Variants in DYNC2I1 observed in about 807,000 individuals in gnomAD.
DYNC2I1 encodes dynein 2 intermediate chain 1.
Under a neutral mutation model 133.4 loss-of-function variants are expected in DYNC2I1, and 89 were observed. The ratio of observed to expected loss-of-function variants is 0.67; its 90% CI spans 0.56 to 0.80. DYNC2I1 has a LOEUF of 0.80. DYNC2I1 is among the 30% of genes least tolerant of loss of function. DYNC2I1 has a pLI of 0.00. For missense variants in DYNC2I1, 1,291 were observed against 1,314.5 expected (o/e 0.98, Z 0.28); for synonymous variants, 504 against 484.3 (o/e 1.04, Z -0.54).
At chr7:158,937,746 AAAAAAAATT>A (rs931177994) in intron 23 of DYNC2I1, among the ~76,000 whole-genome samples, 1 of 151,944 alleles carries the variant, frequency 6.6e-6, no homozygotes, top group African/African-American at 2.4e-5. Flanking sequence ...CTATCTCTAC[AAAAAAAATT>A]AAAAAATTTG....
Position 158,945,367 on chromosome 7 carries a change from ACCT to A in DYNC2I1, c.3003-212_3003-210del, listed in dbSNP as rs1851778267. Among the ~76,000 whole-genome samples the A allele has an allele frequency of 6.6e-6, 1 of 152,032 alleles. No individual in the cohort carries two copies. Among genetic ancestry groups the A allele is most frequent in the African/African-American group, 2.4e-5 (1 of 41,402 alleles). ...AGACAGCAGCACGTCCTCATCACTT[ACCT>A]CTGCGAAGTTCCATCTGGCAGGCCT... On this transcript the variant is annotated intron_variant, in intron 24 of 24. Coordinates refer to ENST00000407559, the MANE Select transcript of DYNC2I1 (RefSeq NM_018051.5). This position sits in a 1 kb window ranked among gnomAD's most constrained non-coding sequence, Gnocchi z 4.1.
intron 11 of DYNC2I1, among the ~76,000 whole-genome samples, chr7:158,906,991 T>TGTG (rs1023471898): frequency 6.6e-6 from 1 of 152,146 alleles, no homozygotes; most frequent in Non-Finnish European, 1.5e-5. Flanking sequence ...GAGACGCACC[T>TGTG]GTGGTCCCAG....
chr7:158,947,723 C>A (rs961579032), downstream of DYNC2I1, among the ~76,000 whole-genome samples: 5 of 152,230 alleles, frequency 3.3e-5, no homozygotes, highest in South Asian at 2.1e-4. Context: ...CTCACTCCCC[C>A]CTCTGAAGCC....
At chr7:158,856,107 ATT>A (rs530437470), upstream of DYNC2I1, among the ~76,000 whole-genome samples, 1 of 141,782 alleles carries the variant, frequency 7.1e-6, no homozygotes, top group Admixed American at 7.0e-5. Context: ...GCGCCCAGCT[ATT>A]TTTTTTTTTT....
chr7:158,919,005 G>T (rs539177026), intron 15 of DYNC2I1, 136 bp downstream of exon 15: 1 of 1,063,372 alleles, frequency 9.4e-7, no homozygotes, highest in Non-Finnish European at 1.3e-6. Context: ...CTGAGTTTCT[G>T]CAGAATTCAA....
chr7:158,949,774 CTTT>C (rs10573905), downstream of DYNC2I1, among the ~76,000 whole-genome samples: 66 of 146,866 alleles, frequency 4.5e-4, no homozygotes, highest in Non-Finnish European at 4.0e-4. Flanking sequence ...TTCATTTTTC[CTTT>C]TTTTTTTTTT....
chr7:158,930,170 A>G (rs1850077718), intron 20 of DYNC2I1, among the ~76,000 whole-genome samples: 1 of 151,932 alleles, frequency 6.6e-6, no homozygotes, highest in African/African-American at 2.4e-5. Context: ...TGGTTTGCTT[A>G]CCCCCCTTAT....
Position 158,915,116 on chromosome 7 carries a change from A to G in DYNC2I1, c.1791+795A>G, listed in dbSNP as rs1384828066. On this transcript the variant is annotated intron_variant, in intron 14 of 24. Coordinates refer to ENST00000407559, the MANE Select transcript of DYNC2I1 (RefSeq NM_018051.5). The stretch of plus-strand genomic sequence containing the variant: ...GCTGGTTGACATTAAGGATGATTGT[A>G]AAACCTTGACACGCTGGTTGAGATT... 3.2e-3 allele frequency among the ~76,000 whole-genome samples: 441 copies of G among 136,682 alleles called. 5 individuals carry two copies. Among genetic ancestry groups the G allele is most frequent in the African/African-American group, 9.6e-3 (360 of 37,314 alleles). The allele number at this position is 136,682 out of a possible 152,430, so 89.7% of individuals were successfully genotyped here. A position where few individuals can be genotyped will look rare whatever the true frequency, so the allele number is the denominator to read the frequency against.
chr7:158,855,128 T>G (rs971653678), upstream of DYNC2I1, among the ~76,000 whole-genome samples: 1 of 152,238 alleles, frequency 6.6e-6, no homozygotes, highest in African/African-American at 2.4e-5. Context: ...AAGAGTAATT[T>G]ACACAGAGCT....
At chr7:158,879,138 G>T (rs1843733696) in intron 4 of DYNC2I1, among the ~76,000 whole-genome samples, 1 of 152,132 alleles carries the variant, frequency 6.6e-6, no homozygotes, top group Non-Finnish European at 1.5e-5. Flanking sequence ...TGGCGTTGGG[G>T]TGACAGCAGT....
chr7:158,902,594 A>C lies in DYNC2I1; in HGVS notation c.1356A>C (p.Thr452=). The C allele has an allele frequency of 6.2e-7, 1 of 1,613,004 alleles. No individual in the cohort carries two copies. The highest frequency in any genetic ancestry group is 8.5e-7 in the Non-Finnish European group (1 of 1,179,618). ...GRTEFEKEPR[T]DTNSSPSRAS... Reference sequence around the variant, plus strand: ...CAGAATTTGAAAAGGAGCCCAGGACAGGTAAACAAATCAATGCTACTAATG... The same window carrying C: ...CAGAATTTGAAAAGGAGCCCAGGACCGGTAAACAAATCAATGCTACTAATG... The change falls in exon 10 of 25, where the codon ACA becomes ACC. Residue 452 remains threonine (T), a splice_region_variant and synonymous_variant. Transcript: ENST00000407559.
intron 14 of DYNC2I1, among the ~76,000 whole-genome samples, chr7:158,914,800 C>G (rs923229096): frequency 6.6e-6 from 1 of 152,188 alleles, no homozygotes; most frequent in Admixed American, 6.5e-5. Flanking sequence ...ACCCCCCTGC[C>G]CACTCCACCA....
chr7:158,841,131 C>T, the DYNC2I1 span, among the ~76,000 whole-genome samples: 5 of 137,444 alleles, frequency 3.6e-5, no homozygotes, highest in Non-Finnish European at 7.7e-5. Flanking sequence ...AAAACACATG[C>T]CATGTACCAT....
intron 7 of DYNC2I1, 115 bp from the exon 8 acceptor site, chr7:158,891,150 C>A: frequency 9.0e-7 from 1 of 1,113,230 alleles, no homozygotes; most frequent in South Asian, 1.3e-5. Flanking sequence ...AGTCTGTGCA[C>A]CTGTTTGCTG....
intron 6 of DYNC2I1, among the ~76,000 whole-genome samples, chr7:158,885,268 C>T (rs1418407213): frequency 6.6e-6 from 1 of 151,596 alleles, no homozygotes; most frequent in Non-Finnish European, 1.5e-5. Flanking sequence ...TGTTGGGTGG[C>T]TTTTCGCTAA....
At chr7:158,938,953 T>C (rs1408722172) in intron 23 of DYNC2I1, among the ~76,000 whole-genome samples, 1 of 152,148 alleles carries the variant, frequency 6.6e-6, no homozygotes, top group African/African-American at 2.4e-5. Flanking sequence ...AAAAGACCTA[T>C]TAAAAACAAT....
intron 24 of DYNC2I1, among the ~76,000 whole-genome samples, chr7:158,944,824 G>A (rs114186021): frequency 2.8e-4 from 43 of 152,338 alleles, no homozygotes; most frequent in Non-Finnish European, 5.3e-4. Context: ...CAAGAGGCAC[G>A]GGGAGACGGG....
At chr7:158,881,159 C>G (rs527260369) in intron 5 of DYNC2I1, among the ~76,000 whole-genome samples, 2 of 152,234 alleles carry the variant, frequency 1.3e-5, no homozygotes, top group South Asian at 2.1e-4. Context: ...CCATCTCAGC[C>G]GCTCTTGGCG....
intron 6 of DYNC2I1, among the ~76,000 whole-genome samples, chr7:158,885,742 A>G (rs1420677245): frequency 6.6e-6 from 1 of 152,170 alleles, no homozygotes; most frequent in Admixed American, 6.5e-5. Flanking sequence ...TAAATATCTT[A>G]CCCAAATTTT....
Sources: gnomAD v4.1 joint callset for allele counts (sites outside exome capture counted in the v4.1 genomes callset) on GRCh38, gnomAD v4.1.1 for gene constraint, Gnocchi (gnomAD v3.1) non-coding constraint, MANE v1.5 for transcripts, NCBI Gene and HGNC (gene_info 2026-07-23, HGNC 2026-07-21) for gene names.